DYSF: variants seen among roughly 807,000 people sequenced by gnomAD.
The protein encoded by DYSF is dystrophy-associated fer-1-like 1.
In DYSF, 212 loss-of-function variants were observed where a neutral mutation model predicts 274.9. The observed-to-expected ratio is 0.77, with a 90% CI of 0.69 to 0.86. The LOEUF (loss-of-function observed/expected upper bound fraction) is 0.86. DYSF is among the 40% of genes least tolerant of loss of function. The pLI is 0.00. For missense variants in DYSF, 2,666 were observed against 2,783.2 expected (o/e 0.96, Z 0.95); for synonymous variants, 1,091 against 1,078.7 (o/e 1.01, Z -0.22).
chr2:71,532,843 T>C (rs1280048335), intron 14 of DYSF, among the ~76,000 whole-genome samples: 1 of 140,516 alleles, frequency 7.1e-6, no homozygotes, highest in Non-Finnish European at 1.6e-5. Flanking sequence ...TATCTATCTA[T>C]CTATCTATCT....
At chr2:71,567,811 AG>A in intron 24 of DYSF, 139 bp from the exon 25 acceptor site, 1 of 1,256,168 alleles carries the variant, frequency 8.0e-7, no homozygotes, top group Non-Finnish European at 1.1e-6. Flanking sequence ...AATTCTGGTA[AG>A]CGCTCCCACA....
chr2:71,679,650 G>C (rs1396038220), intron 53 of DYSF, among the ~76,000 whole-genome samples: 1 of 152,116 alleles, frequency 6.6e-6, no homozygotes, highest in Non-Finnish European at 1.5e-5. Context: ...GGGGTGACTG[G>C]AGGGCCCGAG....
intron 30 of DYSF, among the ~76,000 whole-genome samples, chr2:71,589,198 T>C (rs1470988146): frequency 6.6e-6 from 1 of 152,150 alleles, no homozygotes; most frequent in Non-Finnish European, 1.5e-5. Context: ...GTGGCAGAGA[T>C]GGGGACCCAG....
intron 42 of DYSF, among the ~76,000 whole-genome samples, chr2:71,644,905 G>C (rs72904634): frequency 0.012 from 1,780 of 152,226 alleles, 39 homozygotes; most frequent in African/African-American, 0.04. Flanking sequence ...AAAAATTATT[G>C]GTTATGAAAC....
rs2089755024 is a variant in DYSF, at chr2:71,539,826, G to T, written c.1576+587G>T. Among the ~76,000 whole-genome samples, 3 of 152,226 alleles carry T rather than the reference G, an allele frequency of 2.0e-5. No homozygotes were observed. The South Asian group carries it at 6.2e-4, about 32-fold the overall frequency. ...ATTAGAACAAATTGTTTTGAAAATT[G>T]CTTTTTGATACTTGACAATACAACA... On this transcript the variant is annotated intron_variant, in intron 17 of 55. Transcript: ENST00000410020.
intron 6 of DYSF, 41 bp downstream of exon 6, chr2:71,513,373 C>T (rs2086307072): frequency 2.0e-6 from 3 of 1,531,748 alleles, no homozygotes; most frequent in African/African-American, 2.7e-5. Flanking sequence ...CAGACCCTCC[C>T]TGTAACTGTC....
intron 1 of DYSF, among the ~76,000 whole-genome samples, chr2:71,472,639 T>A (rs556814946): frequency 6.6e-6 from 1 of 152,116 alleles, no homozygotes; most frequent in African/African-American, 2.4e-5. Flanking sequence ...ATCTCCTGAC[T>A]TCGTGATCCA....
At chr2:71,534,261 T>C (rs766620290) in intron 14 of DYSF, among the ~76,000 whole-genome samples, 31 of 152,364 alleles carry the variant, frequency 2.0e-4, no homozygotes, top group Middle Eastern at 3.4e-3. Context: ...ATTATTTTCA[T>C]GTGTAGAACA....
chr2:71,665,833 T>A (rs1186323982), intron 47 of DYSF, among the ~76,000 whole-genome samples: 2 of 151,938 alleles, frequency 1.3e-5, no homozygotes, highest in Non-Finnish European at 2.9e-5. Flanking sequence ...CCTGCCCAGC[T>A]CTCCTGGCTG....
intron 54 of DYSF, among the ~76,000 whole-genome samples, chr2:71,681,546 A>G (rs1353000329): frequency 1.3e-5 from 2 of 152,242 alleles, no homozygotes; most frequent in African/African-American, 2.4e-5. Flanking sequence ...TCTTGACCCT[A>G]CCAAGCTGCC....
At chr2:71,584,564 T>C (rs1158296826) in intron 30 of DYSF, among the ~76,000 whole-genome samples, 1 of 152,220 alleles carries the variant, frequency 6.6e-6, no homozygotes, top group African/African-American at 2.4e-5. Flanking sequence ...GCCTGTCCTT[T>C]GCCCTGGGAC....
At chr2:71,610,156 A>G (rs927544517) in intron 36 of DYSF, among the ~76,000 whole-genome samples, 1 of 152,212 alleles carries the variant, frequency 6.6e-6, no homozygotes, top group African/African-American at 2.4e-5. Flanking sequence ...TCTTGTTCTA[A>G]TAAACTCAGA....
intron 46 of DYSF, 47 bp from the exon 47 acceptor site, chr2:71,665,115 T>C (rs772990319): frequency 6.2e-7 from 1 of 1,610,912 alleles, no homozygotes; most frequent in Non-Finnish European, 8.5e-7. Flanking sequence ...TCTACCCTCA[T>C]GAGTGTCCTT....
intron 14 of DYSF, among the ~76,000 whole-genome samples, chr2:71,531,922 A>G (rs2088766460): frequency 2.0e-5 from 3 of 152,206 alleles, no homozygotes; most frequent in Admixed American, 1.3e-4. Context: ...ATCAGTTGAC[A>G]AAAACATTGT....
At chr2:71,676,083 G>A (rs2095217321) in intron 52 of DYSF, among the ~76,000 whole-genome samples, 1 of 152,032 alleles carries the variant, frequency 6.6e-6, no homozygotes, top group Admixed American at 6.5e-5. Flanking sequence ...CTCCTGGTGG[G>A]TATTCAGGTC....
At chr2:71,580,024 C>T (rs976238331) in intron 30 of DYSF, among the ~76,000 whole-genome samples, 1 of 152,232 alleles carries the variant, frequency 6.6e-6, no homozygotes, top group South Asian at 2.1e-4. Context: ...TCCAGGTGTC[C>T]CCTGACCAGC....
At chr2:71,621,890 A>T (rs1380929122) in intron 41 of DYSF, among the ~76,000 whole-genome samples, 2 of 151,890 alleles carry the variant, frequency 1.3e-5, no homozygotes, top group African/African-American at 2.4e-5. Flanking sequence ...CGGACTCCTG[A>T]TCTCATGATC....
intron 41 of DYSF, among the ~76,000 whole-genome samples, chr2:71,624,659 T>A (rs1295197431): frequency 2.6e-5 from 4 of 152,010 alleles, no homozygotes; most frequent in African/African-American, 7.2e-5. Flanking sequence ...AACCTAAATT[T>A]AAAAAAAATG....
chr2:71,656,672 G>A (rs914803096), intron 43 of DYSF, among the ~76,000 whole-genome samples: 7 of 152,158 alleles, frequency 4.6e-5, no homozygotes, highest in South Asian at 2.1e-4. Flanking sequence ...GAATCATGGC[G>A]GGAGGGGAAA....
Sources: gnomAD v4.1 joint callset for allele counts (sites outside exome capture counted in the v4.1 genomes callset) on GRCh38, gnomAD v4.1.1 for gene constraint, MANE v1.5 for transcripts, NCBI Gene and HGNC (gene_info 2026-07-23, HGNC 2026-07-21) for gene names.